The following DRGX variants were observed in gnomAD, a reference collection of about 807,000 sequenced individuals.
DRGX encodes the protein dorsal root ganglia homeobox, also known as dorsal root ganglia homeobox protein.
DRGX carries 21 observed loss-of-function variants against 28.6 expected under a neutral mutation model. The observed-to-expected ratio is 0.73, with a 90% CI of 0.52 to 1.06. The LOEUF is 1.06. DRGX is among the 50% of genes least tolerant of loss of function. The probability of loss-of-function intolerance (pLI) is 0.00; values close to 1 mark genes in which losing one functional copy is unlikely to be tolerated. For missense variants in DRGX, 354 were observed against 343.9 expected (o/e 1.03, Z -0.23); for synonymous variants, 136 against 139.1 (o/e 0.98, Z 0.16).
intron 2 of DRGX, among the ~76,000 whole-genome samples, chr10:49,393,197 C>T (rs1044596340): frequency 2.0e-5 from 3 of 152,116 alleles, no homozygotes; most frequent in African/African-American, 7.2e-5. Context: ...TACTACACAG[C>T]AGTTTAAAAG....
chr10:49,380,077 C>T (rs2132477298), intron 6 of DRGX, among the ~76,000 whole-genome samples: 1 of 152,350 alleles, frequency 6.6e-6, no homozygotes, highest in African/African-American at 2.4e-5. Flanking sequence ...CCCATCATGT[C>T]CACCTTGCCC....
chr10:49,371,379 A>G (rs1849657680), intron 6 of DRGX, among the ~76,000 whole-genome samples: 1 of 152,198 alleles, frequency 6.6e-6, no homozygotes, highest in Non-Finnish European at 1.5e-5. Context: ...GAGGCCAGGC[A>G]CAGTGGCTCG....
intron 2 of DRGX, among the ~76,000 whole-genome samples, chr10:49,392,505 C>A (rs1015494945): frequency 6.6e-6 from 1 of 152,228 alleles, no homozygotes; most frequent in African/African-American, 2.4e-5. Flanking sequence ...GACCTCAAAG[C>A]AGTCTTATTT....
chr10:49,394,985 G>A (rs1377473727), intron 2 of DRGX, among the ~76,000 whole-genome samples: 1 of 152,238 alleles, frequency 6.6e-6, no homozygotes, highest in Non-Finnish European at 1.5e-5. Context: ...ACGGGCCCTT[G>A]TAGGCTCGTG....
intron 6 of DRGX, 143 bp downstream of exon 6, chr10:49,386,335 T>C (rs1269290740): frequency 1.5e-6 from 1 of 654,844 alleles, no homozygotes; most frequent in Non-Finnish European, 2.6e-6. Context: ...ACAGCACCAG[T>C]GGCCCTGGCT....
intron 6 of DRGX, among the ~76,000 whole-genome samples, chr10:49,385,149 G>A (rs1193398337): frequency 1.3e-5 from 2 of 152,180 alleles, no homozygotes; most frequent in African/African-American, 4.8e-5. Flanking sequence ...GCTCTATGGG[G>A]TTGGGGAGTG....
At chr10:49,387,611 C>G (rs527358242) in intron 4 of DRGX, among the ~76,000 whole-genome samples, 7 of 149,776 alleles carry the variant, frequency 4.7e-5, no homozygotes, top group Admixed American at 4.0e-4. Context: ...CGCAGTGAGC[C>G]GAGATCATGC....
intron 5 of DRGX, 37 bp from the exon 6 acceptor site, chr10:49,386,627 T>G (rs2132482767): frequency 6.3e-7 from 1 of 1,590,866 alleles, no homozygotes; most frequent in East Asian, 2.2e-5. Flanking sequence ...GGTCTCGCCC[T>G]GTGTCTGCAG....
intron 6 of DRGX, among the ~76,000 whole-genome samples, chr10:49,378,227 A>G (rs1052378280): frequency 4.6e-5 from 7 of 152,210 alleles, no homozygotes; most frequent in African/African-American, 1.7e-4. Flanking sequence ...TGAAGAAAAT[A>G]TATTTAATTG....
intron 6 of DRGX, among the ~76,000 whole-genome samples, chr10:49,384,833 G>A (rs909388346): frequency 2.0e-5 from 3 of 152,176 alleles, no homozygotes; most frequent in African/African-American, 7.2e-5. Context: ...CACTGCTGGC[G>A]TCCAACGGGG....
At chr10:49,381,467 C>T (rs1336742404) in intron 6 of DRGX, among the ~76,000 whole-genome samples, 1 of 152,262 alleles carries the variant, frequency 6.6e-6, no homozygotes, top group Non-Finnish European at 1.5e-5. Context: ...ACGTGCTGCC[C>T]CACAGGCCCC....
At chr10:49,371,825 T>A (rs1012909307) in intron 6 of DRGX, among the ~76,000 whole-genome samples, 1 of 143,756 alleles carries the variant, frequency 7.0e-6, no homozygotes, top group Non-Finnish European at 1.5e-5. Flanking sequence ...CCAGGTATGG[T>A]GGCACACAGT....
At chr10:49,366,958 A>G (rs978917779) in intron 6 of DRGX, among the ~76,000 whole-genome samples, 3 of 152,220 alleles carry the variant, frequency 2.0e-5, no homozygotes, top group African/African-American at 4.8e-5. Flanking sequence ...TCCACATTGG[A>G]ATATAAAATG....
At chr10:49,384,991 A>C (rs974934400) in intron 6 of DRGX, among the ~76,000 whole-genome samples, 3 of 152,288 alleles carry the variant, frequency 2.0e-5, no homozygotes, top group Non-Finnish European at 2.9e-5. Context: ...GGGTAGACAT[A>C]GGATTGATTG....
rs117887083 is a variant in DRGX, at chr10:49,368,826, T to C, written c.527-2445A>G. 7.7e-4 allele frequency among the ~76,000 whole-genome samples: 118 copies of C among 152,322 alleles called. No individual in the cohort carries two copies. The East Asian group carries it at 0.022, about 29-fold the overall frequency. Reference sequence around the variant, plus strand: ...TGAATGTCTTTTAAACTTAGAAACATAATGTTAATTTTAAATGAATGTTAA... The same window carrying C: ...TGAATGTCTTTTAAACTTAGAAACACAATGTTAATTTTAAATGAATGTTAA... On this transcript the variant is annotated intron_variant, in intron 6 of 6. Transcript: ENST00000374139.
chr10:49,377,327 G>T (rs1357843278), intron 6 of DRGX, among the ~76,000 whole-genome samples: 3 of 152,256 alleles, frequency 2.0e-5, no homozygotes. Context: ...CCAACTGGAA[G>T]TACGGGTGGT....
chr10:49,368,386 G>T (rs1248179190), intron 6 of DRGX, among the ~76,000 whole-genome samples: 1 of 152,274 alleles, frequency 6.6e-6, no homozygotes, highest in Admixed American at 6.5e-5. Context: ...CGCACAGTGT[G>T]CAAGGGAGCT....
In DRGX at chr10:49,365,968, G is replaced by T; in HGVS notation, c.*148C>A. 2 of 929,362 alleles carry T rather than the reference G, an allele frequency of 2.2e-6. No individual in the cohort carries two copies. Among genetic ancestry groups the T allele is most frequent in the African/African-American group, 1.7e-5 (1 of 59,282 alleles). The allele number at this position is 929,362 out of a possible 1,614,324, so 57.6% of individuals were successfully genotyped here. A position where few individuals can be genotyped will look rare whatever the true frequency, so the allele number is the denominator to read the frequency against. ...GAGGGACGCTCCAGGTGCCAAGGGA[G>T]CTGTGGGTCTCACTTGCCCGTCCTG... On this transcript the variant is annotated 3_prime_UTR_variant, in exon 7 of 7. Transcript: ENST00000374139.
At chr10:49,373,230 G>A (rs182239270) in intron 6 of DRGX, among the ~76,000 whole-genome samples, 125 of 152,216 alleles carry the variant, frequency 8.2e-4, no homozygotes, top group African/African-American at 2.9e-3. Flanking sequence ...GGCTGAATAA[G>A]TTATACCCAT....
Sources: allele counts gnomAD v4.1 joint callset (sites outside exome capture counted in the v4.1 genomes callset), GRCh38; gene constraint gnomAD v4.1.1; transcripts MANE v1.5; gene names NCBI Gene and HGNC (gene_info 2026-07-23, HGNC 2026-07-21).